The following NEGR1 variants were observed in gnomAD, a reference collection of about 807,000 sequenced individuals.
The protein encoded by NEGR1 is neuronal growth regulator 1.
NEGR1 carries 10 observed loss-of-function variants against 40.9 expected under a neutral mutation model. That is an observed-to-expected ratio of 0.24 (90% CI 0.15 to 0.42). NEGR1 has a LOEUF of 0.42. Among genes scored for constraint, NEGR1 ranks in the 10% least tolerant of loss-of-function variants. The pLI is 1.00. For synonymous variants in NEGR1, 185 were observed against 166.8 expected (o/e 1.11, Z -0.84); for missense variants, 352 against 438.9 (o/e 0.80, Z 1.77).
chr1:71,521,208 G>A (rs1445366639), intron 6 of NEGR1, among the ~76,000 whole-genome samples: 1 of 152,038 alleles, frequency 6.6e-6, no homozygotes, highest in Non-Finnish European at 1.5e-5. Flanking sequence ...TACATACCCA[G>A]CTGAATGGAA....
At chr1:71,538,521 T>C (rs1348926092) in intron 6 of NEGR1, among the ~76,000 whole-genome samples, 1 of 151,674 alleles carries the variant, frequency 6.6e-6, no homozygotes, top group African/African-American at 2.4e-5. Context: ...GTGGAAGCAA[T>C]GTCATTTTCA....
chr1:72,263,358 C>A (rs1356474044), intron 1 of NEGR1, among the ~76,000 whole-genome samples: 2 of 151,412 alleles, frequency 1.3e-5, no homozygotes, highest in Admixed American at 1.3e-4. Context: ...GAGTGCTGAT[C>A]ATATATAAGT....
intron 2 of NEGR1, among the ~76,000 whole-genome samples, chr1:71,791,704 T>C (rs1339539603): frequency 6.6e-6 from 1 of 152,004 alleles, no homozygotes; most frequent in Admixed American, 6.6e-5. Flanking sequence ...AATGAGAACA[T>C]TAGTAACTGT....
chr1:71,524,035 A>G (rs898641598), intron 6 of NEGR1, among the ~76,000 whole-genome samples: 1 of 151,834 alleles, frequency 6.6e-6, no homozygotes, highest in Non-Finnish European at 1.5e-5. Context: ...TTTCAAAATT[A>G]AGGCCAACTT....
At position 71,496,828 on chromosome 1, in the gene NEGR1, A is replaced by C. The variant is rs902347720; in HGVS notation, c.941-89258T>G. ...TGCTAGAGTTCTATGATAACCTATCAATGGAATAAGTGTGTAAATCTCTAC... is the reference window on the plus strand; with the variant it reads ...TGCTAGAGTTCTATGATAACCTATCCATGGAATAAGTGTGTAAATCTCTAC... On this transcript the variant is annotated intron_variant, in intron 6 of 6. Coordinates refer to ENST00000357731, the MANE Select transcript of NEGR1 (RefSeq NM_173808.3). 8.3e-4 allele frequency among the ~76,000 whole-genome samples: 126 copies of C among 152,196 alleles called. 1 individual carries two copies. Among genetic ancestry groups the C allele is most frequent in the African/African-American group, 3.0e-3 (126 of 41,460 alleles).
intron 3 of NEGR1, among the ~76,000 whole-genome samples, chr1:71,739,218 C>A (rs76135177): frequency 0.022 from 2,649 of 123,022 alleles, 26 homozygotes; most frequent in East Asian, 0.035. Flanking sequence ...AAAAAAAAAA[C>A]AAAAAAAAAA....
intron 6 of NEGR1, among the ~76,000 whole-genome samples, chr1:71,577,116 AT>A (rs530691895): frequency 2.0e-5 from 3 of 152,006 alleles, no homozygotes; most frequent in African/African-American, 4.8e-5. Context: ...CAGAATTGTA[AT>A]TTTTTTTGTC....
At chr1:72,150,180 A>G (rs1651069267) in intron 1 of NEGR1, among the ~76,000 whole-genome samples, 1 of 152,184 alleles carries the variant, frequency 6.6e-6, no homozygotes. Context: ...ATTATTCTTT[A>G]GTATTAATTT....
At chr1:71,774,925 T>C (rs951743203) in intron 3 of NEGR1, among the ~76,000 whole-genome samples, 13 of 152,196 alleles carry the variant, frequency 8.5e-5, no homozygotes, top group African/African-American at 2.4e-4. Flanking sequence ...ATGTGCACTA[T>C]AGCAGAAGTA....
intron 1 of NEGR1, among the ~76,000 whole-genome samples, chr1:72,280,795 C>T (rs1350555073): frequency 6.6e-6 from 1 of 152,104 alleles, no homozygotes; most frequent in Non-Finnish European, 1.5e-5. Context: ...AAATATGTTG[C>T]ATGTTTCAAA....
intron 1 of NEGR1, among the ~76,000 whole-genome samples, chr1:72,125,763 G>T (rs1557539385): frequency 1.3e-5 from 2 of 152,104 alleles, no homozygotes; most frequent in Non-Finnish European, 2.9e-5. Flanking sequence ...TAAAAAAATA[G>T]ATTTTTGAAT....
intron 2 of NEGR1, among the ~76,000 whole-genome samples, chr1:71,820,158 T>C (rs910938922): frequency 9.9e-5 from 15 of 152,008 alleles, no homozygotes; most frequent in Non-Finnish European, 2.9e-5. Context: ...GTTATGGAGA[T>C]GTTAATAAAA....
At chr1:71,632,529 A>C (rs1161443314) in intron 4 of NEGR1, among the ~76,000 whole-genome samples, 2 of 150,814 alleles carry the variant, frequency 1.3e-5, no homozygotes, top group Non-Finnish European at 3.0e-5. Flanking sequence ...TGATTGCATA[A>C]ACTATTATAT....
At chr1:72,090,240 T>C (rs1489519767) in intron 1 of NEGR1, among the ~76,000 whole-genome samples, 3 of 151,938 alleles carry the variant, frequency 2.0e-5, no homozygotes, top group African/African-American at 7.3e-5. Flanking sequence ...ATTAATGGAA[T>C]GACTTAAGGC....
At chr1:71,717,838 C>G (rs575940797) in intron 3 of NEGR1, among the ~76,000 whole-genome samples, 20 of 152,248 alleles carry the variant, frequency 1.3e-4, no homozygotes, top group African/African-American at 4.6e-4. Context: ...AAAAGGAAAA[C>G]TGAACACAGG....
chr1:71,915,520 TACTG>T (rs1324123312), intron 2 of NEGR1, among the ~76,000 whole-genome samples: 3 of 152,162 alleles, frequency 2.0e-5, no homozygotes, highest in African/African-American at 7.2e-5. Context: ...TCATTCATTG[TACTG>T]ACTTTGTGTC....
chr1:72,229,135 T>G (rs1654278876), intron 1 of NEGR1, among the ~76,000 whole-genome samples: 1 of 152,000 alleles, frequency 6.6e-6, no homozygotes, highest in Non-Finnish European at 1.5e-5. Flanking sequence ...TCATCAATTT[T>G]ACAGTATTAG....
chr1:71,572,968 C>T lies in NEGR1; in HGVS notation c.940+19849G>A, dbSNP rs141245410. Among the ~76,000 whole-genome samples, 58 of 152,224 alleles carry T rather than the reference C, an allele frequency of 3.8e-4. No homozygotes were observed. The East Asian group carries it at 0.01, about 27-fold the overall frequency. Reference sequence around the variant, plus strand: ...GGCAAGGAAAGTACTCCTGGATAAGCGTAGTTTAAGAAACCTCCAGAGGCA... The same window carrying T: ...GGCAAGGAAAGTACTCCTGGATAAGTGTAGTTTAAGAAACCTCCAGAGGCA... On this transcript the variant is annotated intron_variant, in intron 6 of 6. Coordinates refer to ENST00000357731, the MANE Select transcript of NEGR1 (RefSeq NM_173808.3).
chr1:71,736,595 AC>A (rs1164487112), intron 3 of NEGR1, among the ~76,000 whole-genome samples: 1 of 152,132 alleles, frequency 6.6e-6, no homozygotes, highest in Non-Finnish European at 1.5e-5. Context: ...AAAAGCTGCC[AC>A]CTTTCAGGTT....
Sources: gnomAD v4.1 joint callset for allele counts (sites outside exome capture counted in the v4.1 genomes callset) on GRCh38, gnomAD v4.1.1 for gene constraint, MANE v1.5 for transcripts, NCBI Gene and HGNC (gene_info 2026-07-23, HGNC 2026-07-21) for gene names.